COLEC10: variants seen among roughly 807,000 people sequenced by gnomAD.
The protein encoded by COLEC10 is collectin-10.
COLEC10 carries 22 observed loss-of-function variants against 28.4 expected under a neutral mutation model. The observed-to-expected ratio is 0.78, with a 90% CI of 0.55 to 1.11. The LOEUF (loss-of-function observed/expected upper bound fraction) is 1.11, where lower values mean the gene tolerates loss of function less well. Ranked by LOEUF, COLEC10 falls within the 50% of genes least tolerant of loss-of-function variation. The probability of loss-of-function intolerance (pLI) is 0.00; values close to 1 mark genes in which losing one functional copy is unlikely to be tolerated. For synonymous variants in COLEC10, 125 were observed against 116.1 expected (o/e 1.08, Z -0.49); for missense variants, 361 against 344.1 (o/e 1.05, Z -0.39).
At chr8:119,037,870 T>G (rs1814418126) in intron 2 of COLEC10, among the ~76,000 whole-genome samples, 1 of 152,236 alleles carries the variant, frequency 6.6e-6, no homozygotes, top group African/African-American at 2.4e-5. Flanking sequence ...TAATTCCATC[T>G]AATTGTACTT....
the COLEC10 span, among the ~76,000 whole-genome samples, chr8:118,963,011 T>C: frequency 6.6e-5 from 10 of 152,188 alleles, no homozygotes; most frequent in Non-Finnish European, 1.5e-4. Context: ...GGGAGACAGA[T>C]TAGTGACAAG....
chr8:118,977,614 G>C, the COLEC10 span, among the ~76,000 whole-genome samples: 1 of 113,256 alleles, frequency 8.8e-6, no homozygotes, highest in Non-Finnish European at 1.7e-5. Flanking sequence ...GTGGGGGGAG[G>C]GGGGAGGGAT....
chr8:119,072,223 A>T (rs895293011), intron 1 of COLEC10, among the ~76,000 whole-genome samples: 1 of 151,686 alleles, frequency 6.6e-6, no homozygotes. Flanking sequence ...GCATGACTCT[A>T]ATCACCACAT....
chr8:119,009,661 C>T (rs1287921854), intron 2 of COLEC10: 1 of 150,698 alleles, frequency 6.6e-6, no homozygotes, highest in South Asian at 2.1e-4. Context: ...TTGGGCAGAG[C>T]ATAAATGGCA....
intron 2 of COLEC10, among the ~76,000 whole-genome samples, chr8:119,053,807 G>A (rs1814718171): frequency 6.6e-6 from 1 of 151,930 alleles, no homozygotes; most frequent in South Asian, 2.1e-4. Context: ...ATAATTTACA[G>A]TATTCCCTTC....
intron 2 of COLEC10, among the ~76,000 whole-genome samples, chr8:119,043,900 A>G (rs988926734): frequency 1.6e-4 from 24 of 152,230 alleles, no homozygotes; most frequent in African/African-American, 5.3e-4. Flanking sequence ...ATGGACAACC[A>G]GATTTTTTTC....
the COLEC10 span, among the ~76,000 whole-genome samples, chr8:118,978,154 C>T: frequency 6.6e-6 from 1 of 152,002 alleles, no homozygotes. Flanking sequence ...TGTTTCTTTC[C>T]TTCTAATGCA....
At chr8:119,030,786 G>T (rs899030953) in intron 2 of COLEC10, among the ~76,000 whole-genome samples, 6 of 152,148 alleles carry the variant, frequency 3.9e-5, no homozygotes, top group African/African-American at 4.8e-5. Context: ...CGATGATCAT[G>T]GGAAGGCATG....
Position 119,034,366 on chromosome 8 carries a change from C to T in COLEC10, n.235+24813C>T, listed in dbSNP as rs1004844576. On this transcript the variant is annotated intron_variant and non_coding_transcript_variant, in intron 2 of 6. Transcript: ENST00000521788. ...TAACAAACCAGCACATGTATACCTACGTAACAAACCTGCACATTCTGCGCA... is the reference window on the plus strand; with the variant it reads ...TAACAAACCAGCACATGTATACCTATGTAACAAACCTGCACATTCTGCGCA... Among the ~76,000 whole-genome samples, 4 of 150,228 alleles carry T rather than the reference C, an allele frequency of 2.7e-5. No individual in the cohort carries two copies. The East Asian group carries it at 5.9e-4, about 22-fold the overall frequency.
At chr8:118,963,976 G>A in the COLEC10 span, among the ~76,000 whole-genome samples, 2 of 152,138 alleles carry the variant, frequency 1.3e-5, no homozygotes, top group East Asian at 3.9e-4. Flanking sequence ...ACAAATGAAT[G>A]CATACACCAA....
At chr8:119,080,174 T>G (rs1220463762) in intron 1 of COLEC10, among the ~76,000 whole-genome samples, 1 of 152,130 alleles carries the variant, frequency 6.6e-6, no homozygotes, top group Non-Finnish European at 1.5e-5. Context: ...CCTACTCATT[T>G]GAAAGACTGC....
the COLEC10 span, among the ~76,000 whole-genome samples, chr8:118,981,021 G>A: frequency 6.7e-6 from 1 of 150,042 alleles, no homozygotes; most frequent in African/African-American, 2.5e-5. Context: ...TATAGTGGTA[G>A]TTTTCCTATA....
At chr8:119,034,059 G>C (rs1399282724) in intron 2 of COLEC10, among the ~76,000 whole-genome samples, 8 of 152,158 alleles carry the variant, frequency 5.3e-5, no homozygotes, top group Admixed American at 5.2e-4. Context: ...ATACTATCCA[G>C]ACATAAAAAA....
chr8:119,000,770 G>A (rs1250500465), intron 1 of COLEC10, among the ~76,000 whole-genome samples: 1 of 152,142 alleles, frequency 6.6e-6, no homozygotes, highest in South Asian at 2.1e-4. Context: ...TTTCATATAC[G>A]TAAATGATTG....
intron 2 of COLEC10, among the ~76,000 whole-genome samples, chr8:119,054,413 G>C (rs1421582540): frequency 1.3e-5 from 2 of 152,082 alleles, no homozygotes; most frequent in African/African-American, 4.8e-5. Flanking sequence ...ATTGCAAACA[G>C]GTCATATAAA....
rs1241554958 is a variant in COLEC10, at chr8:119,058,604, G to A, written n.236-31076G>A. On this transcript the variant is annotated intron_variant and non_coding_transcript_variant, in intron 2 of 6. Transcript: ENST00000521788. ...TCTATGTTGCATGTATCAGTAGTTT[G>A]TTACTTTTATCGTTGAATAGCATTC... Among the ~76,000 whole-genome samples the A allele has an allele frequency of 2.6e-5, 4 of 151,964 alleles. No homozygotes were observed. The East Asian group carries it at 7.7e-4, about 29-fold the overall frequency.
At chr8:119,033,815 T>C (rs1814337379) in intron 2 of COLEC10, among the ~76,000 whole-genome samples, 1 of 152,184 alleles carries the variant, frequency 6.6e-6, no homozygotes, top group African/African-American at 2.4e-5. Context: ...AGTTCGACCA[T>C]TGTGGAAGAC....
chr8:119,072,101 C>T (rs138562667), intron 1 of COLEC10, among the ~76,000 whole-genome samples: 241 of 152,322 alleles, frequency 1.6e-3, no homozygotes, highest in Non-Finnish European at 3.2e-3. Flanking sequence ...ACTAAGGAAG[C>T]CTTTCTGACG....
intron 2 of COLEC10, among the ~76,000 whole-genome samples, chr8:119,045,227 G>A (rs1814566697): frequency 6.6e-6 from 1 of 152,228 alleles, no homozygotes; most frequent in Non-Finnish European, 1.5e-5. Context: ...TGGGAACAAA[G>A]AGGGTCCATC....
Sources: allele counts gnomAD v4.1 joint callset (sites outside exome capture counted in the v4.1 genomes callset), GRCh38; gene constraint gnomAD v4.1.1; transcripts MANE v1.5; gene names NCBI Gene and HGNC (gene_info 2026-07-23, HGNC 2026-07-21).